The following PRKCQ variants were observed in gnomAD, a reference collection of about 807,000 sequenced individuals.
PRKCQ encodes the protein protein kinase C theta type.
In PRKCQ, 41 loss-of-function variants were observed where a neutral mutation model predicts 91.2. The observed-to-expected ratio is 0.45, with a 90% CI of 0.35 to 0.58. PRKCQ has a LOEUF of 0.58. Ranked by LOEUF, PRKCQ falls within the 20% of genes least tolerant of loss-of-function variation. The pLI, the probability that PRKCQ is intolerant of heterozygous loss-of-function variation, is 0.00. For missense variants in PRKCQ, 673 were observed against 896.5 expected (o/e 0.75, Z 3.18); for synonymous variants, 307 against 316.9 (o/e 0.97, Z 0.33).
intron 15 of PRKCQ, among the ~76,000 whole-genome samples, chr10:6,449,104 A>C (rs1459591345): frequency 0.022 from 3,039 of 137,822 alleles, no homozygotes; most frequent in African/African-American, 0.063. Context: ...ACGAGTTGAG[A>C]GAAGAAGGCT....
At chr10:6,452,340 A>C (rs972302555) in intron 15 of PRKCQ, among the ~76,000 whole-genome samples, 9 of 152,122 alleles carry the variant, frequency 5.9e-5, no homozygotes, top group Admixed American at 5.9e-4. Context: ...AAAGAGAATA[A>C]AATACCTAGG....
chr10:6,460,006 T>C (rs1191958750), intron 14 of PRKCQ, among the ~76,000 whole-genome samples: 1 of 152,238 alleles, frequency 6.6e-6, no homozygotes, highest in East Asian at 1.9e-4. Context: ...ACACAGACAG[T>C]TGAATAATTT....
the PRKCQ span, among the ~76,000 whole-genome samples, chr10:6,404,891 TTCTC>T: frequency 1.5e-4 from 18 of 122,220 alleles, no homozygotes; most frequent in Non-Finnish European, 3.6e-5. Flanking sequence ...TTTTCTTTCT[TTCTC>T]TCTCTCTCTC....
chr10:6,398,827 C>T, the PRKCQ span, among the ~76,000 whole-genome samples: 2 of 151,990 alleles, frequency 1.3e-5, no homozygotes, highest in African/African-American at 4.8e-5. Context: ...AATTACAGCT[C>T]ACTGCAACCT....
At chr10:6,504,930 G>A (rs1001080415) in intron 4 of PRKCQ, among the ~76,000 whole-genome samples, 1 of 146,052 alleles carries the variant, frequency 6.8e-6, no homozygotes, top group Non-Finnish European at 1.5e-5. Flanking sequence ...GTCTCACTCT[G>A]TCTCCCAGGC....
intron 12 of PRKCQ, among the ~76,000 whole-genome samples, chr10:6,477,994 G>A (rs1039059817): frequency 1.4e-4 from 21 of 152,182 alleles, no homozygotes; most frequent in Non-Finnish European, 1.2e-4. Flanking sequence ...TGCGGGTGGT[G>A]GACAGCCGGG....
At position 6,491,628 on chromosome 10, in the gene PRKCQ, G is replaced by T. The variant is rs45439598; in HGVS notation, c.790+55C>A. On this transcript the variant is annotated intron_variant, in intron 8 of 17. Transcript: ENST00000263125. ...TCCCTCCAGTTCCCCAGAAAGCCTT[G>T]CTCCATCCCCTAGGGGGTCCACGTC... 3.2e-3 allele frequency: 5,168 copies of T among 1,601,200 alleles called. 11 individuals are homozygous for T. The highest frequency in any genetic ancestry group is 3.8e-3 in the Admixed American group (224 of 58,826).
At chr10:6,486,525 A>T (rs1402366557) in intron 8 of PRKCQ, among the ~76,000 whole-genome samples, 1 of 152,206 alleles carries the variant, frequency 6.6e-6, no homozygotes, top group Non-Finnish European at 1.5e-5. Flanking sequence ...AAGTGGTATA[A>T]ATAGGATTGC....
chr10:6,444,778 C>A (rs374873858), intron 15 of PRKCQ, among the ~76,000 whole-genome samples: 7 of 152,234 alleles, frequency 4.6e-5, no homozygotes, highest in Admixed American at 3.3e-4. Context: ...TGGAATTTTT[C>A]TCTTCCTTCT....
chr10:6,404,255 G>GAGAGAGAGAGAGAGAGAGAGA, the PRKCQ span, among the ~76,000 whole-genome samples: 2 of 34,360 alleles, frequency 5.8e-5, no homozygotes, highest in African/African-American at 8.4e-5. Flanking sequence ...GAAGGGGGGG[G>GAGAGAGAGAGAGAGAGAGAGA]GAGAGAGAGA....
At chr10:6,510,389 T>C (rs1224610425) in intron 3 of PRKCQ, among the ~76,000 whole-genome samples, 1 of 152,162 alleles carries the variant, frequency 6.6e-6, no homozygotes, top group Non-Finnish European at 1.5e-5. Context: ...CTGAAAAAAA[T>C]TGTAGGAATT....
chr10:6,531,700 C>T (rs773903854), intron 1 of PRKCQ, among the ~76,000 whole-genome samples: 2 of 152,000 alleles, frequency 1.3e-5, no homozygotes, highest in Non-Finnish European at 2.9e-5. Context: ...ACACGTGGCA[C>T]AGGAATTGAC....
intron 16 of PRKCQ, among the ~76,000 whole-genome samples, chr10:6,439,608 A>T (rs1833868322): frequency 6.6e-6 from 1 of 152,188 alleles, no homozygotes; most frequent in African/African-American, 2.4e-5. Flanking sequence ...CTCAACATGA[A>T]GACAAGGATG....
chr10:6,399,064 T>C, the PRKCQ span, among the ~76,000 whole-genome samples: 1 of 152,188 alleles, frequency 6.6e-6, no homozygotes, highest in African/African-American at 2.4e-5. Context: ...GATACAATGA[T>C]ACAATGGCTG....
Position 6,505,639 on chromosome 10 carries a change from T to C in PRKCQ, c.379+1797A>G, listed in dbSNP as rs12777684. On this transcript the variant is annotated intron_variant, in intron 4 of 17. Coordinates refer to ENST00000263125, the MANE Select transcript of PRKCQ (RefSeq NM_006257.5). The stretch of plus-strand genomic sequence containing the variant: ...CCCTTCCTTCCTTCCTTCCCTCCCT[T>C]CCTTCCTTTCCTTTCCTTTCTTTCC... Among the ~76,000 whole-genome samples, 647 of 129,256 alleles carry C rather than the reference T, an allele frequency of 5.0e-3. 6 individuals are homozygous for C. The highest frequency in any genetic ancestry group is 8.6e-3 in the Non-Finnish European group (495 of 57,446). The allele number at this position is 129,256 out of a possible 152,430, so 84.8% of individuals were successfully genotyped here. A position where few individuals can be genotyped will look rare whatever the true frequency, so the allele number is the denominator to read the frequency against.
rs542800032 is a variant in PRKCQ at position 6,527,640 on chromosome 10, C to T, written c.-9-12496G>A. Among the ~76,000 whole-genome samples, 17 of 152,266 alleles carry T rather than the reference C, an allele frequency of 1.1e-4. No individual in the cohort carries two copies. In the East Asian group the frequency reaches 1.9e-3, roughly 17 times the overall value. ...AAGCCTGGAAGCCAAGTCCTGCCAC[C>T]GTGCCATTCTTTTTCCCCAGGAGAC... On this transcript the variant is annotated intron_variant, in intron 1 of 17. Coordinates refer to ENST00000263125, the MANE Select transcript of PRKCQ (RefSeq NM_006257.5).
intron 1 of PRKCQ, among the ~76,000 whole-genome samples, chr10:6,527,670 G>C (rs568056101): frequency 6.6e-6 from 1 of 152,126 alleles, no homozygotes; most frequent in Non-Finnish European, 1.5e-5. Flanking sequence ...GGAGACAGCG[G>C]TCACTTCACA....
the PRKCQ span, among the ~76,000 whole-genome samples, chr10:6,402,239 C>T: frequency 6.6e-6 from 1 of 151,884 alleles, no homozygotes; most frequent in Non-Finnish European, 1.5e-5. Flanking sequence ...AGGAGAAATA[C>T]CTAATGTTGA....
At chr10:6,400,563 C>T in the PRKCQ span, among the ~76,000 whole-genome samples, 12 of 150,870 alleles carry the variant, frequency 8.0e-5, no homozygotes, top group East Asian at 2.3e-3. Context: ...TCCCGTGTCT[C>T]GGCAGGCCCA....
Sources: gnomAD v4.1 joint callset for allele counts (sites outside exome capture counted in the v4.1 genomes callset) on GRCh38, gnomAD v4.1.1 for gene constraint, MANE v1.5 for transcripts, NCBI Gene and HGNC (gene_info 2026-07-23, HGNC 2026-07-21) for gene names.